TC2N: variants seen among roughly 807,000 people sequenced by gnomAD.
TC2N encodes tandem C2 domains, nuclear, also known as tandem C2 domains nuclear protein.
TC2N carries 51 observed loss-of-function variants against 61.9 expected under a neutral mutation model. That is an observed-to-expected ratio of 0.82 (90% CI 0.66 to 1.04). The LOEUF (loss-of-function observed/expected upper bound fraction) is 1.04, where lower values mean the gene tolerates loss of function less well. Ranked by LOEUF, TC2N falls within the 50% of genes least tolerant of loss-of-function variation. The pLI is 0.00. For synonymous variants in TC2N, 204 were observed against 192.6 expected, an observed-to-expected ratio of 1.06 and a Z score of -0.49; for missense variants, 556 against 566.7, an observed-to-expected ratio of 0.98 and a Z score of 0.19.
chr14:91,835,659 G>T (rs944334197), intron 1 of TC2N, among the ~76,000 whole-genome samples: 3 of 152,206 alleles, frequency 2.0e-5, no homozygotes, highest in Admixed American at 2.0e-4. Flanking sequence ...GGAAGAAATA[G>T]AAGTCAAATC....
chr14:91,819,733 A>G (rs187587858), intron 1 of TC2N, among the ~76,000 whole-genome samples: 156 of 152,312 alleles, frequency 1.0e-3, no homozygotes, highest in African/African-American at 3.2e-3. Flanking sequence ...CATATGTAAA[A>G]CTAAAATGTA....
chr14:91,828,793 G>T (rs1887615916), intron 1 of TC2N, among the ~76,000 whole-genome samples: 1 of 151,978 alleles, frequency 6.6e-6, no homozygotes, highest in Non-Finnish European at 1.5e-5. Context: ...ACTTAATACA[G>T]ATTTTTAGGT....
At chr14:91,785,500 T>C in intron 10 of TC2N, 139 bp from the exon 11 acceptor site, 1 of 632,242 alleles carries the variant, frequency 1.6e-6, no homozygotes, top group Admixed American at 3.0e-5. Context: ...AAATGTTTGA[T>C]GAGCTACGAC....
chr14:91,805,163 G>C (rs892527987), intron 3 of TC2N, among the ~76,000 whole-genome samples: 1 of 152,040 alleles, frequency 6.6e-6, no homozygotes, highest in Non-Finnish European at 1.5e-5. Flanking sequence ...ATGGTCTAGT[G>C]ACATGGCAAT....
intron 1 of TC2N, among the ~76,000 whole-genome samples, chr14:91,848,268 A>C (rs1888306719): frequency 6.6e-6 from 1 of 152,208 alleles, no homozygotes; most frequent in Admixed American, 6.5e-5. Flanking sequence ...TATCTGAAAG[A>C]AGGGACAGGT....
chr14:91,849,155 C>T (rs956746349), intron 1 of TC2N, among the ~76,000 whole-genome samples: 5 of 152,134 alleles, frequency 3.3e-5, no homozygotes, highest in South Asian at 2.1e-4. Context: ...TGCTTTTAGT[C>T]TCATCATGAG....
chr14:91,796,027 T>TAAAATTGTAAATTG (rs1380027044), intron 8 of TC2N, among the ~76,000 whole-genome samples: 1 of 152,026 alleles, frequency 6.6e-6, no homozygotes, highest in Admixed American at 6.6e-5. Flanking sequence ...TATATAATAA[T>TAAAATTGTAAATTG]AAAATTGTAA....
At chr14:91,797,453 G>T (rs1487778404) in intron 8 of TC2N, among the ~76,000 whole-genome samples, 1 of 151,880 alleles carries the variant, frequency 6.6e-6, no homozygotes, top group Non-Finnish European at 1.5e-5. Context: ...TTGCAATCAT[G>T]AATTTATTTT....
At chr14:91,827,958 A>T (rs1887574133) in intron 1 of TC2N, among the ~76,000 whole-genome samples, 1 of 152,180 alleles carries the variant, frequency 6.6e-6, no homozygotes, top group Non-Finnish European at 1.5e-5. Flanking sequence ...AAAACCCCAC[A>T]AAACATTATT....
chr14:91,817,812 G>T (rs1887071378), intron 1 of TC2N, among the ~76,000 whole-genome samples: 1 of 152,078 alleles, frequency 6.6e-6, no homozygotes, highest in African/African-American at 2.4e-5. Flanking sequence ...GAAGGTAGTA[G>T]AAAGAGAGAA....
intron 1 of TC2N, among the ~76,000 whole-genome samples, chr14:91,843,869 G>T (rs985692363): frequency 6.7e-6 from 1 of 150,100 alleles, no homozygotes; most frequent in African/African-American, 2.5e-5. Flanking sequence ...GGCTCAAAAT[G>T]CTTTATAATC....
chr14:91,826,933 C>T (rs977340880), intron 1 of TC2N, among the ~76,000 whole-genome samples: 1 of 152,078 alleles, frequency 6.6e-6, no homozygotes, highest in African/African-American at 2.4e-5. Context: ...TTACTGTTTC[C>T]ATTTGTTTAC....
Position 91,779,913 on chromosome 14 carries a change from A to G in TC2N, c.*3187T>C, listed in dbSNP as rs1001307895. 1 of 152,194 alleles carries G rather than the reference A, an allele frequency of 6.6e-6. No homozygotes were observed. The highest frequency in any genetic ancestry group is 2.4e-5 in the African/African-American group (1 of 41,456). The allele number at this position is 152,194 out of a possible 1,614,324, so 9.4% of individuals were successfully genotyped here. The stretch of plus-strand genomic sequence containing the variant: ...TCCTACAATTCTTCACCCACAAAAT[A>G]AAATCCAATTTAGGAGGCTCCATTA... On this transcript the variant is annotated 3_prime_UTR_variant, in exon 12 of 12. Coordinates refer to ENST00000435962, the MANE Select transcript of TC2N (RefSeq NM_001128596.3).
At chr14:91,793,559 A>G (rs73337854) in intron 8 of TC2N, among the ~76,000 whole-genome samples, 10,053 of 152,248 alleles carry the variant, frequency 0.066, 993 homozygotes, top group African/African-American at 0.21. Flanking sequence ...AATTCTCATA[A>G]TAGTTCAAAC....
chr14:91,796,684 G>C (rs1885913695), intron 8 of TC2N, among the ~76,000 whole-genome samples: 1 of 152,114 alleles, frequency 6.6e-6, no homozygotes, highest in African/African-American at 2.4e-5. Flanking sequence ...GGAATGTCAA[G>C]GATTGCTGGC....
At chr14:91,796,362 C>T (rs1004480319) in intron 8 of TC2N, among the ~76,000 whole-genome samples, 4 of 151,948 alleles carry the variant, frequency 2.6e-5, no homozygotes, top group African/African-American at 9.7e-5. Context: ...GTTTTTCCAG[C>T]TCCTTAAAAA....
At chr14:91,838,077 T>C (rs1328780484) in intron 1 of TC2N, among the ~76,000 whole-genome samples, 4 of 152,186 alleles carry the variant, frequency 2.6e-5, no homozygotes, top group Non-Finnish European at 5.9e-5. Flanking sequence ...ACAGTCAAGA[T>C]TTGAATCTGA....
At position 91,813,764 on chromosome 14, in the gene TC2N, T is replaced by G. The variant is rs112133919; in HGVS notation, c.6A>C (p.Ala2=). ...CACAGCAACTCTTTATAAATTCTGT[T>G]GCCATTACATTCAATTTCCAATATC... M[A]TEFIKSCCGG... is the part of the protein sequence containing the mutation. Residue 2 remains alanine, a synonymous_variant, in exon 2 of 12, where the codon GCA becomes GCC. Coordinates refer to ENST00000435962, the MANE Select transcript of TC2N (RefSeq NM_001128596.3). The G allele has an allele frequency of 6.2e-7, 1 of 1,607,272 alleles. No individual in the cohort carries two copies. Among genetic ancestry groups the G allele is most frequent in the Non-Finnish European group, 8.5e-7 (1 of 1,175,238 alleles).
chr14:91,786,046 A>G (rs1260693566), intron 10 of TC2N, among the ~76,000 whole-genome samples: 2 of 151,934 alleles, frequency 1.3e-5, no homozygotes, highest in Non-Finnish European at 2.9e-5. Flanking sequence ...CAGTCTGACT[A>G]ATTGGAGGTG....
Sources: gnomAD v4.1 joint callset for allele counts (sites outside exome capture counted in the v4.1 genomes callset) on GRCh38, gnomAD v4.1.1 for gene constraint, MANE v1.5 for transcripts, NCBI Gene and HGNC (gene_info 2026-07-23, HGNC 2026-07-21) for gene names.